The following MYLK4 variants were observed in gnomAD, a reference collection of about 807,000 sequenced individuals.
MYLK4 encodes myosin light chain kinase family member 4.
MYLK4 carries 46 observed loss-of-function variants against 48.1 expected under a neutral mutation model. The ratio of observed to expected loss-of-function variants is 0.96; its 90% CI spans 0.75 to 1.22. The LOEUF (loss-of-function observed/expected upper bound fraction) is 1.22. Ranked by LOEUF, MYLK4 falls within the 50% of genes most tolerant of loss-of-function variation. MYLK4 has a pLI of 0.00. For synonymous variants in MYLK4, 170 were observed against 180.8 expected (o/e 0.94, Z 0.48); for missense variants, 451 against 486.1 (o/e 0.93, Z 0.68).
the MYLK4 span, chr6:2,768,899 C>G: frequency 1.9e-6 from 3 of 1,594,886 alleles, no homozygotes; most frequent in Non-Finnish European, 2.6e-6. Flanking sequence ...TAACTTCCTT[C>G]TACCTTTTGG....
chr6:2,692,255 T>C lies in MYLK4; in HGVS notation c.235+529A>G, dbSNP rs142906172. On this transcript the variant is annotated intron_variant, in intron 3 of 12. Coordinates refer to ENST00000274643, the MANE Select transcript of MYLK4 (RefSeq NM_001012418.5). ...ATGTCTGTTCCATCTATATTCTCTCTTGGATTTATAGAATTTCTTGGAGCA... is the reference window on the plus strand; with the variant it reads ...ATGTCTGTTCCATCTATATTCTCTCCTGGATTTATAGAATTTCTTGGAGCA... 3.7e-4 allele frequency among the ~76,000 whole-genome samples: 56 copies of C among 152,362 alleles called. 1 individual carries two copies. Among genetic ancestry groups the C allele is most frequent in the African/African-American group, 1.3e-3 (55 of 41,584 alleles).
At chr6:2,765,457 C>T in the MYLK4 span, 4 of 826,304 alleles carry the variant, frequency 4.8e-6, no homozygotes, top group Non-Finnish European at 6.4e-6. Context: ...GACGCGGGAG[C>T]TGCGGACGTG....
At chr6:2,734,371 C>T (rs1323573752) in intron 2 of MYLK4, among the ~76,000 whole-genome samples, 1 of 152,188 alleles carries the variant, frequency 6.6e-6, no homozygotes, top group Non-Finnish European at 1.5e-5. Context: ...GAGACCTGTC[C>T]TCCAGGAGAC....
chr6:2,756,332 C>T, the MYLK4 span, among the ~76,000 whole-genome samples: 2 of 152,286 alleles, frequency 1.3e-5, no homozygotes, highest in Admixed American at 6.5e-5. Flanking sequence ...TATTGGCCAA[C>T]GGAAGTGCCT....
chr6:2,752,173 G>A (rs975719290), upstream of MYLK4, among the ~76,000 whole-genome samples: 1 of 152,206 alleles, frequency 6.6e-6, no homozygotes, highest in African/African-American at 2.4e-5. Flanking sequence ...CCAGAGGCCA[G>A]GAGAATCTGC....
chr6:2,764,408 A>G, the MYLK4 span, among the ~76,000 whole-genome samples: 1 of 152,152 alleles, frequency 6.6e-6, no homozygotes, highest in South Asian at 2.1e-4. Context: ...AGAACGAGTG[A>G]GACCCTCAAT....
intron 2 of MYLK4, among the ~76,000 whole-genome samples, chr6:2,693,089 G>T (rs558910911): frequency 2.6e-5 from 4 of 152,060 alleles, no homozygotes; most frequent in Non-Finnish European, 4.4e-5. Flanking sequence ...AAAATCACCC[G>T]TCACCCCAGG....
intron 2 of MYLK4, among the ~76,000 whole-genome samples, chr6:2,711,883 G>A (rs1762686899): frequency 6.6e-6 from 1 of 152,040 alleles, no homozygotes; most frequent in Non-Finnish European, 1.5e-5. Context: ...AATGATAAAT[G>A]TTTTTCAAAA....
At chr6:2,681,741 G>GCTGTCACCTTT (rs1337377650) in intron 7 of MYLK4, among the ~76,000 whole-genome samples, 1 of 152,124 alleles carries the variant, frequency 6.6e-6, no homozygotes, top group Non-Finnish European at 1.5e-5. Context: ...GACCCATCCA[G>GCTGTCACCTTT]CTGTCACCTT....
At chr6:2,732,631 T>C (rs77607019) in intron 2 of MYLK4, among the ~76,000 whole-genome samples, 13,252 of 151,928 alleles carry the variant, frequency 0.087, 624 homozygotes, top group African/African-American at 0.11. Flanking sequence ...AACATCACAC[T>C]GTGCCTATCA....
intron 4 of MYLK4, among the ~76,000 whole-genome samples, chr6:2,687,911 C>T (rs1387839978): frequency 6.6e-6 from 1 of 152,174 alleles, no homozygotes; most frequent in Non-Finnish European, 1.5e-5. Flanking sequence ...ATGCCGATGG[C>T]AGCAAACGTT....
At chr6:2,729,968 C>T (rs778715205) in intron 2 of MYLK4, among the ~76,000 whole-genome samples, 1 of 152,258 alleles carries the variant, frequency 6.6e-6, no homozygotes, top group African/African-American at 2.4e-5. Flanking sequence ...CCCTAAAGCA[C>T]ATCGCCTTAC....
rs372682476 is a variant in MYLK4 at position 2,734,345 on chromosome 6, C to T, written c.159+14791G>A. On this transcript the variant is annotated intron_variant, in intron 2 of 12. Coordinates refer to ENST00000274643, the MANE Select transcript of MYLK4 (RefSeq NM_001012418.5). ...ACAGGGCCACCACCCTTTGATTGGG[C>T]GAGGAACTTGGAACTGAGACCTGTC... Among the ~76,000 whole-genome samples, 7 of 152,226 alleles carry T rather than the reference C, an allele frequency of 4.6e-5. No homozygotes were observed. In the East Asian group the frequency reaches 1.2e-3, roughly 25 times the overall value.
chr6:2,731,684 T>C (rs1261164855), intron 2 of MYLK4, among the ~76,000 whole-genome samples: 2 of 152,212 alleles, frequency 1.3e-5, no homozygotes, highest in African/African-American at 4.8e-5. Flanking sequence ...GGACTGTTTC[T>C]TTCATTAATC....
intron 2 of MYLK4, among the ~76,000 whole-genome samples, chr6:2,730,583 C>T (rs540316387): frequency 2.0e-5 from 3 of 152,212 alleles, no homozygotes; most frequent in African/African-American, 7.2e-5. Flanking sequence ...ATGAATAGGG[C>T]AGTGTAGGAA....
chr6:2,685,448 CG>C lies in MYLK4; in HGVS notation c.435+34del, dbSNP rs756396571. 17 of 933,950 alleles carry C rather than the reference CG, an allele frequency of 1.8e-5. No homozygotes were observed. The highest frequency in any genetic ancestry group is 2.8e-5 in the Non-Finnish European group (17 of 605,426). 57.9% of individuals were successfully genotyped at this position (933,950 alleles called of 1,614,324 possible). A position where few individuals can be genotyped will look rare whatever the true frequency, so the allele number is the denominator to read the frequency against. Reference sequence around the variant, plus strand: ...GTGCATTAGTGTGGTCAAGATGGGGCGGGGAGGGAGGGGACCACCTCCCACA... The same window carrying C: ...GTGCATTAGTGTGGTCAAGATGGGGCGGGAGGGAGGGGACCACCTCCCACA... On this transcript the variant is annotated intron_variant, in intron 5 of 12. Transcript: ENST00000274643. This position sits in a 1 kb window ranked among gnomAD's most constrained non-coding sequence, Gnocchi z 4.5.
chr6:2,715,559 G>C (rs1762838346), intron 2 of MYLK4, among the ~76,000 whole-genome samples: 1 of 152,204 alleles, frequency 6.6e-6, no homozygotes. Flanking sequence ...TGAGCAGGAG[G>C]TTTTTCCCTC....
At chr6:2,681,405 T>C (rs1761294919) in intron 7 of MYLK4, among the ~76,000 whole-genome samples, 1 of 152,194 alleles carries the variant, frequency 6.6e-6, no homozygotes, top group Admixed American at 6.5e-5. Flanking sequence ...TAAAAGTCAT[T>C]ATAGAGAAGG....
intron 12 of MYLK4, among the ~76,000 whole-genome samples, chr6:2,668,329 A>G (rs1760743345): frequency 6.6e-6 from 1 of 152,148 alleles, no homozygotes. Context: ...CATGTGCTTT[A>G]TGACCACGTC....
Sources: gnomAD v4.1 joint callset for allele counts (sites outside exome capture counted in the v4.1 genomes callset) on GRCh38, gnomAD v4.1.1 for gene constraint, Gnocchi (gnomAD v3.1) non-coding constraint, MANE v1.5 for transcripts, NCBI Gene and HGNC (gene_info 2026-07-23, HGNC 2026-07-21) for gene names.